The following SCARA3 variants were observed in gnomAD, a reference collection of about 807,000 sequenced individuals.
The protein encoded by SCARA3 is scavenger receptor class A member 3, also known as cellular stress response gene protein.
SCARA3 carries 39 observed loss-of-function variants against 47.0 expected under a neutral mutation model. The observed-to-expected ratio is 0.83, with a 90% CI of 0.64 to 1.08. The LOEUF (loss-of-function observed/expected upper bound fraction) is 1.08, where lower values mean the gene tolerates loss of function less well. Ranked by LOEUF, SCARA3 falls within the 50% of genes least tolerant of loss-of-function variation. The probability of loss-of-function intolerance (pLI) is 0.00; values close to 1 mark genes in which losing one functional copy is unlikely to be tolerated. For synonymous variants in SCARA3, 356 were observed against 334.1 expected (o/e 1.07, Z -0.71); for missense variants, 724 against 792.3 (o/e 0.91, Z 1.04).
intron 3 of SCARA3, among the ~76,000 whole-genome samples, chr8:27,655,029 G>C (rs1801714413): frequency 6.6e-6 from 1 of 152,142 alleles, no homozygotes; most frequent in Non-Finnish European, 1.5e-5. Context: ...TCATGTAACA[G>C]CATGTGCTTA....
the SCARA3 span, among the ~76,000 whole-genome samples, chr8:27,722,682 C>G: frequency 5.3e-5 from 8 of 152,318 alleles, no homozygotes; most frequent in African/African-American, 1.4e-4. Context: ...CATTTTCAAG[C>G]CTTTTTCTCC....
intron 1 of SCARA3, among the ~76,000 whole-genome samples, chr8:27,636,636 T>A (rs1024196639): frequency 1.3e-5 from 2 of 152,170 alleles, no homozygotes; most frequent in African/African-American, 4.8e-5. Flanking sequence ...TCCTTTCCCT[T>A]GGATCCCACA....
rs779167320 is a variant in SCARA3 at position 27,651,511 on chromosome 8, G to A, written c.110G>A (p.Arg37Gln). The A allele has an allele frequency of 8.1e-6, 13 of 1,611,832 alleles. No individual in the cohort carries two copies. Among genetic ancestry groups the A allele is most frequent in the African/African-American group, 4.0e-5 (3 of 74,898 alleles). Reference protein sequence around the residue: ...MPTFPCTQKGRPGPRCSRCQK... With the variant: ...MPTFPCTQKGQPGPRCSRCQK... The stretch of plus-strand genomic sequence containing the variant: ...GTCCTCCTTGTGTCCCCCACAGGCC[G>A]GCCAGGGCCCCGCTGCAGCCGCTGC... The change falls in exon 3 of 6, where the codon CGG (arginine) becomes CAG (glutamine). Residue 37 changes from arginine (R) to glutamine (Q), a missense_variant. Arg to Gln is a conservative substitution (Grantham distance 43, BLOSUM62 1). Coordinates refer to ENST00000301904, the MANE Select transcript of SCARA3 (RefSeq NM_016240.3).
At chr8:27,715,861 GA>G in the SCARA3 span, among the ~76,000 whole-genome samples, 505 of 43,118 alleles carry the variant, frequency 0.012, 1 homozygote, top group African/African-American at 0.032. This position sits in a 1 kb window ranked among gnomAD's most constrained non-coding sequence, Gnocchi z 4.2. Context: ...TAGATAGATA[GA>G]TACATAGATA....
At chr8:27,665,698 C>T (rs1340484783) in intron 5 of SCARA3, among the ~76,000 whole-genome samples, 2 of 152,104 alleles carry the variant, frequency 1.3e-5, no homozygotes, top group South Asian at 2.1e-4. Context: ...TCTTCATCTG[C>T]GAATAGAAAT....
the SCARA3 span, among the ~76,000 whole-genome samples, chr8:27,716,387 G>A: frequency 1.3e-5 from 2 of 151,892 alleles, no homozygotes; most frequent in Non-Finnish European, 2.9e-5. Flanking sequence ...AGCTGGGCAG[G>A]GGAAGTACAA....
the SCARA3 span, among the ~76,000 whole-genome samples, chr8:27,704,672 G>T: frequency 1.3e-5 from 2 of 152,022 alleles, no homozygotes; most frequent in Non-Finnish European, 2.9e-5. Flanking sequence ...CAGCTGTGTA[G>T]ACAGTTAGTT....
chr8:27,710,544 C>A, the SCARA3 span, among the ~76,000 whole-genome samples: 1 of 152,260 alleles, frequency 6.6e-6, no homozygotes, highest in East Asian at 1.9e-4. Flanking sequence ...AAAACTATCA[C>A]CCCATGGCCG....
the SCARA3 span, among the ~76,000 whole-genome samples, chr8:27,688,567 G>A: frequency 2.6e-5 from 4 of 152,030 alleles, no homozygotes; most frequent in South Asian, 2.1e-4. Context: ...ATGGTGGCAC[G>A]TGCCTATAGT....
chr8:27,657,538 AC>A (rs1801768889), intron 4 of SCARA3, among the ~76,000 whole-genome samples: 1 of 110,596 alleles, frequency 9.0e-6, no homozygotes, highest in Non-Finnish European at 1.8e-5. Flanking sequence ...CATGTATTCA[AC>A]CTTTTTTTTT....
chr8:27,679,350 G>A (rs984122052), downstream of SCARA3, among the ~76,000 whole-genome samples: 4 of 152,146 alleles, frequency 2.6e-5, no homozygotes, highest in South Asian at 6.2e-4. Flanking sequence ...TGGGGTTTAC[G>A]ACATACAAAA....
intron 5 of SCARA3, among the ~76,000 whole-genome samples, chr8:27,660,341 A>G (rs1801868744): frequency 6.6e-6 from 1 of 152,158 alleles, no homozygotes; most frequent in Non-Finnish European, 1.5e-5. Context: ...TCAATAGTGT[A>G]TAGAGATGAT....
chr8:27,636,264 C>T (rs1231581574), intron 1 of SCARA3, among the ~76,000 whole-genome samples: 1 of 152,170 alleles, frequency 6.6e-6, no homozygotes, highest in Non-Finnish European at 1.5e-5. Flanking sequence ...CTCAGAGTGG[C>T]TCCACCCCAA....
At chr8:27,649,231 C>T (rs1354314887) in intron 1 of SCARA3, among the ~76,000 whole-genome samples, 2 of 152,136 alleles carry the variant, frequency 1.3e-5, no homozygotes, top group Admixed American at 1.3e-4. Context: ...GTCATCTCCT[C>T]CTCCCTCTGG....
intron 1 of SCARA3, among the ~76,000 whole-genome samples, chr8:27,634,599 A>C (rs73560245): frequency 0.011 from 1,711 of 151,960 alleles, 24 homozygotes; most frequent in African/African-American, 0.039. Flanking sequence ...TGCATCCCCC[A>C]CCGAGCCTTT....
chr8:27,676,216 T>C (rs567859386), downstream of SCARA3, among the ~76,000 whole-genome samples: 5 of 152,326 alleles, frequency 3.3e-5, no homozygotes, highest in African/African-American at 1.2e-4. Flanking sequence ...TGTTTGCATC[T>C]GAGATTGCTG....
Position 27,671,412 on chromosome 8 carries a change from G to A in SCARA3, c.*61G>A, listed in dbSNP as rs1181175344. On this transcript the variant is annotated 3_prime_UTR_variant, in exon 6 of 6. Transcript: ENST00000301904. ...CCGGAGGGGCGCAGAGCAGATCCAG[G>A]CCCCAGAAAGCCTCACCTACAGACA... 5.9e-6 allele frequency: 8 copies of A among 1,346,000 alleles called. No homozygotes were observed. In the East Asian group the frequency reaches 2.4e-4, roughly 40 times the overall value. The allele number at this position is 1,346,000 out of a possible 1,614,324, so 83.4% of individuals were successfully genotyped here.
At chr8:27,705,485 C>A in the SCARA3 span, among the ~76,000 whole-genome samples, 1 of 152,250 alleles carries the variant, frequency 6.6e-6, no homozygotes, top group Non-Finnish European at 1.5e-5. Flanking sequence ...GCCCCATCAC[C>A]CGACAGGGGC....
At chr8:27,673,589 G>A (rs970732728), downstream of SCARA3, among the ~76,000 whole-genome samples, 1 of 152,172 alleles carries the variant, frequency 6.6e-6, no homozygotes. Flanking sequence ...TGAGCAAAAG[G>A]GCAGGGGGTG....
Sources: allele counts gnomAD v4.1 joint callset (sites outside exome capture counted in the v4.1 genomes callset), GRCh38; gene constraint gnomAD v4.1.1; non-coding constraint Gnocchi (gnomAD v3.1); transcripts MANE v1.5; gene names NCBI Gene and HGNC (gene_info 2026-07-23, HGNC 2026-07-21).